Variants in LOXL2 observed in about 807,000 individuals in gnomAD.
LOXL2 encodes the protein lysyl oxidase like 2.
A neutral mutation model predicts 93.0 loss-of-function variants in LOXL2; 70 were observed. That is an observed-to-expected ratio of 0.75 (90% CI 0.62 to 0.92). The LOEUF is 0.92. LOXL2 is among the 40% of genes least tolerant of loss of function. LOXL2 has a pLI of 0.00. For synonymous variants in LOXL2, 438 were observed against 413.2 expected, an observed-to-expected ratio of 1.06 and a Z score of -0.73; for missense variants, 973 against 1,054.9, an observed-to-expected ratio of 0.92 and a Z score of 1.08.
intron 3 of LOXL2, among the ~76,000 whole-genome samples, chr8:23,344,828 T>A (rs1196023755): frequency 1.3e-5 from 2 of 152,210 alleles, no homozygotes; most frequent in Non-Finnish European, 1.5e-5. Flanking sequence ...TCCTTCAAAC[T>A]GGACCGTCTT....
At chr8:23,351,178 G>T (rs1017066166) in intron 3 of LOXL2, among the ~76,000 whole-genome samples, 1 of 152,204 alleles carries the variant, frequency 6.6e-6, no homozygotes, top group African/African-American at 2.4e-5. Flanking sequence ...TGAATAAACA[G>T]ATCCTTAGCA....
At position 23,333,669 on chromosome 8, in the gene LOXL2, T is replaced by C. The variant is rs368704209; in HGVS notation, c.744-46A>G. 15 of 1,481,470 alleles carry C rather than the reference T, an allele frequency of 1.0e-5. No individual in the cohort carries two copies. In the African/African-American group the frequency reaches 1.9e-4, roughly 19 times the overall value. 91.8% of individuals were successfully genotyped at this position (1,481,470 alleles called of 1,614,324 possible). On this transcript the variant is annotated intron_variant, in intron 4 of 13. Coordinates refer to ENST00000389131, the MANE Select transcript of LOXL2 (RefSeq NM_002318.3). ...CAGGGGACCAGGGCATCATGACGCC[T>C]ACCCCGATTCCTTCTGCAACGAGGC...
intron 9 of LOXL2, among the ~76,000 whole-genome samples, chr8:23,313,142 A>C (rs1212244406): frequency 6.6e-6 from 1 of 152,184 alleles, no homozygotes; most frequent in East Asian, 1.9e-4. Flanking sequence ...TGCTCAACAA[A>C]ATAAAAGAGG....
At chr8:23,392,437 A>T (rs1360954527) in intron 1 of LOXL2, among the ~76,000 whole-genome samples, 1 of 152,196 alleles carries the variant, frequency 6.6e-6, no homozygotes, top group Non-Finnish European at 1.5e-5. Flanking sequence ...ATATAGAGAG[A>T]GACCTGCAGG....
chr8:23,319,024 T>C (rs575491129), intron 8 of LOXL2, among the ~76,000 whole-genome samples: 1 of 152,310 alleles, frequency 6.6e-6, no homozygotes, highest in South Asian at 2.1e-4. Flanking sequence ...GAAGGACCAC[T>C]GGGGAAGGAG....
At chr8:23,346,116 TTAAAA>T (rs1241283477) in intron 3 of LOXL2, among the ~76,000 whole-genome samples, 1,171 of 23,776 alleles carry the variant, frequency 0.049, 15 homozygotes, top group Admixed American at 0.069. Context: ...TAAAATAAAA[TTAAAA>T]TAAAATAAAA....
intron 4 of LOXL2, among the ~76,000 whole-genome samples, chr8:23,340,575 C>G (rs1803865845): frequency 6.6e-6 from 1 of 152,178 alleles, no homozygotes; most frequent in African/African-American, 2.4e-5. Flanking sequence ...AATCATTTGC[C>G]AAGAGCAAGT....
intron 6 of LOXL2, among the ~76,000 whole-genome samples, chr8:23,326,356 C>T (rs12676713): frequency 0.58 from 88,556 of 152,038 alleles, 28,031 homozygotes; most frequent in Middle Eastern, 0.74. Flanking sequence ...TTTATGTCAT[C>T]GAGGGCCTGT....
intron 12 of LOXL2, among the ~76,000 whole-genome samples, chr8:23,300,851 G>T (rs1192404348): frequency 6.6e-6 from 1 of 152,178 alleles, no homozygotes; most frequent in East Asian, 1.9e-4. Context: ...CAAAATGATA[G>T]CAAACCTCAA....
chr8:23,313,329 G>C (rs186739181), intron 9 of LOXL2, among the ~76,000 whole-genome samples: 1 of 152,020 alleles, frequency 6.6e-6, no homozygotes, highest in Non-Finnish European at 1.5e-5. Flanking sequence ...AAAAGAGCCC[G>C]CATCACCAAG....
At chr8:23,307,681 G>A (rs1432073724) in intron 10 of LOXL2, among the ~76,000 whole-genome samples, 6 of 152,068 alleles carry the variant, frequency 3.9e-5, no homozygotes, top group African/African-American at 1.2e-4. Flanking sequence ...GTCAGCCCCC[G>A]CCGCCCAGGG....
chr8:23,313,929 T>A (rs1448351686), intron 9 of LOXL2, among the ~76,000 whole-genome samples: 3 of 115,602 alleles, frequency 2.6e-5, no homozygotes, highest in Admixed American at 1.0e-4. Flanking sequence ...GAATCTACAA[T>A]GAACTCAAAC....
At chr8:23,372,232 T>TC (rs1481246049) in intron 1 of LOXL2, among the ~76,000 whole-genome samples, 22 of 151,780 alleles carry the variant, frequency 1.4e-4, no homozygotes, top group African/African-American at 5.3e-4. Flanking sequence ...TTTTTTTTTT[T>TC]TGAGATGGAG....
chr8:23,376,781 C>T (rs1036099735), intron 1 of LOXL2, among the ~76,000 whole-genome samples: 38 of 152,132 alleles, frequency 2.5e-4, no homozygotes, highest in Admixed American at 6.5e-4. Flanking sequence ...GGATCAGTGG[C>T]GATATCCCCT....
intron 1 of LOXL2, chr8:23,385,836 T>C (rs1190606287): frequency 3.0e-6 from 2 of 656,384 alleles, no homozygotes; most frequent in Non-Finnish European, 2.8e-6. Context: ...ATGGAATCAA[T>C]ACAAAAATTA....
chr8:23,346,141 A>T (rs1585361861), intron 3 of LOXL2, among the ~76,000 whole-genome samples: 2 of 89,314 alleles, frequency 2.2e-5, no homozygotes, highest in East Asian at 5.2e-4. Flanking sequence ...ATAAAATAAA[A>T]TAAATAAAAT....
chr8:23,359,992 T>A (rs544241968), intron 3 of LOXL2, 98 bp downstream of exon 3: 1 of 1,164,090 alleles, frequency 8.6e-7, no homozygotes, highest in East Asian at 2.4e-5. Context: ...CCCTCCTTCC[T>A]GCTCACACAC....
At position 23,341,142 on chromosome 8, in the gene LOXL2, C is replaced by T. The variant is rs369286803; in HGVS notation, c.593G>A (p.Arg198His). The change falls in exon 4 of 14, where the codon CGC (arginine) becomes CAC (histidine). Residue 198 changes from arginine (R) to histidine (H), a missense_variant. By Grantham distance (29) the Arg-to-His change is conservative (BLOSUM62 0). Transcript: ENST00000389131. ...CACGTAGCCCTCCATCACTGGGGTG[C>T]GCTTGCGGTAGGTTGAGAGGATGGC... Reference protein sequence around the residue: ...IRAILSTYRKRTPVMEGYVEV... With the variant: ...IRAILSTYRKHTPVMEGYVEV... 55 of 1,613,924 alleles carry T rather than the reference C, an allele frequency of 3.4e-5. No individual in the cohort carries two copies. The highest frequency in any genetic ancestry group is 4.5e-5 in the East Asian group (2 of 44,880).
intron 3 of LOXL2, among the ~76,000 whole-genome samples, chr8:23,343,527 T>C (rs73547608): frequency 1.1e-3 from 170 of 152,284 alleles, no homozygotes; most frequent in African/African-American, 3.9e-3. Flanking sequence ...CCAACTGAGA[T>C]GCAAATGAAC....
Sources: allele counts gnomAD v4.1 joint callset (sites outside exome capture counted in the v4.1 genomes callset), GRCh38; gene constraint gnomAD v4.1.1; transcripts MANE v1.5; gene names NCBI Gene and HGNC (gene_info 2026-07-23, HGNC 2026-07-21).